SOCS4: variants seen among roughly 807,000 people sequenced by gnomAD.
The protein encoded by SOCS4 is SH2 domain containing SOCS box protein.
SOCS4 carries 20 observed loss-of-function variants against 34.1 expected under a neutral mutation model. The ratio of observed to expected loss-of-function variants is 0.59; its 90% CI spans 0.41 to 0.85. The LOEUF (loss-of-function observed/expected upper bound fraction) is 0.85. Ranked by LOEUF, SOCS4 falls within the 40% of genes least tolerant of loss-of-function variation. The pLI is 0.00. For synonymous variants in SOCS4, 180 were observed against 186.4 expected, an observed-to-expected ratio of 0.97 and a Z score of 0.28; for missense variants, 479 against 532.4, an observed-to-expected ratio of 0.90 and a Z score of 0.99.
Position 55,043,746 on chromosome 14 carries a change from A to C in SOCS4, c.705A>C (p.Leu235=). 1 of 1,614,162 alleles carries C rather than the reference A, an allele frequency of 6.2e-7. No individual in the cohort carries two copies. The highest frequency in any genetic ancestry group is 8.5e-7 in the Non-Finnish European group (1 of 1,180,016). The change falls in exon 3 of 3, where the codon CTA becomes CTC. Residue 235 remains leucine, a synonymous_variant. Coordinates refer to ENST00000555846, the MANE Select transcript of SOCS4 (RefSeq NM_199421.2). Reference sequence around the variant, plus strand: ...ATATGGATTCCGATGATGAAATTCTAACACTTTGCACAAGTTCCAGAAAAA... The same window carrying C: ...ATATGGATTCCGATGATGAAATTCTCACACTTTGCACAAGTTCCAGAAAAA... ...DSDMDSDDEI[L]TLCTSSRKRN... is the part of the protein sequence containing the mutation.
chr14:55,031,130 T>C (rs1011187604), intron 1 of SOCS4, among the ~76,000 whole-genome samples: 1 of 152,202 alleles, frequency 6.6e-6, no homozygotes, highest in Admixed American at 6.5e-5. Flanking sequence ...TTCAATCTAA[T>C]TTATTCCATA....
At chr14:55,041,703 GACCTCATGATCC>G (rs2042619509) in intron 2 of SOCS4, among the ~76,000 whole-genome samples, 1 of 148,266 alleles carries the variant, frequency 6.7e-6, no homozygotes, top group Non-Finnish European at 1.5e-5. Context: ...TCGAACTCCT[GACCTCATGATCC>G]ACCCGCCTCA....
chr14:55,030,439 CCTTGA>C (rs1396727810), intron 1 of SOCS4, among the ~76,000 whole-genome samples: 1 of 151,990 alleles, frequency 6.6e-6, no homozygotes, highest in Non-Finnish European at 1.5e-5. Context: ...GGAAGAGCCT[CCTTGA>C]CTTCAGATTT....
At chr14:55,036,151 G>A (rs909766695) in intron 2 of SOCS4, among the ~76,000 whole-genome samples, 2 of 152,126 alleles carry the variant, frequency 1.3e-5, no homozygotes, top group African/African-American at 4.8e-5. Flanking sequence ...TGGGATTATG[G>A]ATATATTTAC....
chr14:55,048,233 C>G lies in SOCS4; in HGVS notation c.*3869C>G, dbSNP rs999298054. On this transcript the variant is annotated 3_prime_UTR_variant, in exon 3 of 3. Coordinates refer to ENST00000555846, the MANE Select transcript of SOCS4 (RefSeq NM_199421.2). ...CTGTGCCCGGCCAAGATCTAACTCA[C>G]GCTTACTTTTCATTAAAATATTTCT... is the stretch of plus-strand genomic sequence containing the variant. The G allele has an allele frequency of 1.2e-5, 2 of 167,046 alleles. No individual in the cohort carries two copies. Among genetic ancestry groups the G allele is most frequent in the South Asian group, 4.1e-4 (2 of 4,832 alleles). The allele number at this position is 167,046 out of a possible 1,614,324, so 10.3% of individuals were successfully genotyped here.
rs546547652 is a variant in SOCS4, at chr14:55,037,507, T to A, written c.-90-5445T>A. ...TCTCCACCTCTTTTTTTTTATTTTTTTTTTAGAAGGAATTTCACTCTTGTC... is the reference window on the plus strand; with the variant it reads ...TCTCCACCTCTTTTTTTTTATTTTTATTTTAGAAGGAATTTCACTCTTGTC... On this transcript the variant is annotated intron_variant, in intron 2 of 2. Transcript: ENST00000555846. Among the ~76,000 whole-genome samples, 352 of 152,012 alleles carry A rather than the reference T, an allele frequency of 2.3e-3. 2 individuals are homozygous for A. The highest frequency in any genetic ancestry group is 8.2e-3 in the African/African-American group (338 of 41,428).
intron 2 of SOCS4, among the ~76,000 whole-genome samples, chr14:55,042,040 C>T (rs1248622387): frequency 5.3e-5 from 8 of 151,914 alleles, no homozygotes; most frequent in Admixed American, 5.2e-4. Context: ...TCAGGTAATC[C>T]GCCTGCCTCA....
chr14:55,046,207 C>T lies in SOCS4; in HGVS notation c.*1843C>T, dbSNP rs1477653874. The stretch of plus-strand genomic sequence containing the variant: ...TTTACAAGGTTAGAAAAGTCTCATA[C>T]TACCTCATCTTTATTGTGGCGCTTT... On this transcript the variant is annotated 3_prime_UTR_variant, in exon 3 of 3. Coordinates refer to ENST00000555846, the MANE Select transcript of SOCS4 (RefSeq NM_199421.2). The T allele has an allele frequency of 6.0e-6, 1 of 166,852 alleles. No homozygotes were observed. The allele number at this position is 166,852 out of a possible 1,614,324, so 10.3% of individuals were successfully genotyped here.
chr14:55,042,122 T>A (rs1437073157), intron 2 of SOCS4, among the ~76,000 whole-genome samples: 1 of 152,178 alleles, frequency 6.6e-6, no homozygotes, highest in Non-Finnish European at 1.5e-5. Context: ...AATACTTAAG[T>A]AAATTCCATT....
In SOCS4 at chr14:55,034,946, C is replaced by T. The variant is rs567126329; in HGVS notation, c.-91+2955C>T. Among the ~76,000 whole-genome samples the T allele has an allele frequency of 1.1e-4, 16 of 151,754 alleles. No individual in the cohort carries two copies. The East Asian group carries it at 1.4e-3, about 13-fold the overall frequency. ...TGCAATCTTGGCTCACTGCAACCGC[C>T]GCCTCCCAGGTTCAAGCCATTCTTC... On this transcript the variant is annotated intron_variant, in intron 2 of 2. Transcript: ENST00000555846.
chr14:55,038,643 G>A (rs2140246246), intron 2 of SOCS4, among the ~76,000 whole-genome samples: 1 of 152,222 alleles, frequency 6.6e-6, no homozygotes, highest in South Asian at 2.1e-4. Flanking sequence ...TGCTGTGTCT[G>A]GTATTTAAAG....
intron 2 of SOCS4, among the ~76,000 whole-genome samples, chr14:55,037,103 G>A (rs2140245367): frequency 6.6e-6 from 1 of 151,674 alleles, no homozygotes; most frequent in African/African-American, 2.4e-5. Flanking sequence ...GGGTGACAAA[G>A]TGAGACCCTT....
rs377638577 is a variant in SOCS4 at position 55,044,260 on chromosome 14, G to A, written c.1219G>A (p.Asp407Asn). ...TAACTGTACAACTTATGATGGCATCGATGCCCTTCCAATTCCTTCTTCTAT... is the reference window on the plus strand; with the variant it reads ...TAACTGTACAACTTATGATGGCATCAATGCCCTTCCAATTCCTTCTTCTAT... ...ICNCTTYDGI[D>N]ALPIPSSMKL... Residue 407 changes from aspartate (D) to asparagine (N), a missense_variant, in exon 3 of 3, where the codon GAT (aspartate) becomes AAT (asparagine). Physicochemically the swap from Asp to Asn is conservative, Grantham distance 23 (BLOSUM62 1). Coordinates refer to ENST00000555846, the MANE Select transcript of SOCS4 (RefSeq NM_199421.2). 71 of 1,613,910 alleles carry A rather than the reference G, an allele frequency of 4.4e-5. No homozygotes were observed. In the South Asian group the frequency reaches 5.8e-4, roughly 13 times the overall value.
rs1294374393 is a variant in SOCS4, at chr14:55,042,466, A to T, written c.-90-486A>T. On this transcript the variant is annotated intron_variant, in intron 2 of 2. Transcript: ENST00000555846. ...ACAGCTTTACAACTTAAAATTGTTC[A>T]TATTTTAATCAGTAGGGAAGGAAAT... is the stretch of plus-strand genomic sequence containing the variant. Among the ~76,000 whole-genome samples, 28 of 152,248 alleles carry T rather than the reference A, an allele frequency of 1.8e-4. 1 individual carries two copies. Among genetic ancestry groups the T allele is most frequent in the Admixed American group, 1.8e-3 (28 of 15,282 alleles).
chr14:55,028,696 TTTCTC>T (rs1391712943), intron 1 of SOCS4, among the ~76,000 whole-genome samples: 2 of 152,200 alleles, frequency 1.3e-5, no homozygotes. Flanking sequence ...CATCTGTCAT[TTTCTC>T]TTATCAATCA....
intron 2 of SOCS4, among the ~76,000 whole-genome samples, chr14:55,036,471 G>A (rs532476429): frequency 8.6e-5 from 13 of 152,010 alleles, no homozygotes; most frequent in African/African-American, 3.1e-4. Flanking sequence ...AGCCCCCCGA[G>A]TAGCTGGGAT....
rs1423250081 is a variant in SOCS4 at position 55,048,635 on chromosome 14, T to G, written c.*4271T>G. ...ATTGGACACAAAATGGAGGTAACTT[T>G]TTAAAATAGATTGGCTTGGAAGTTG... On this transcript the variant is annotated 3_prime_UTR_variant, in exon 3 of 3. Coordinates refer to ENST00000555846, the MANE Select transcript of SOCS4 (RefSeq NM_199421.2). The G allele has an allele frequency of 6.0e-6, 1 of 167,136 alleles. No individual in the cohort carries two copies. The highest frequency in any genetic ancestry group is 2.4e-5 in the African/African-American group (1 of 41,486). The allele number at this position is 167,136 out of a possible 1,614,324, so 10.4% of individuals were successfully genotyped here. A position where few individuals can be genotyped will look rare whatever the true frequency, so the allele number is the denominator to read the frequency against.
At chr14:55,041,937 G>A (rs141156614) in intron 2 of SOCS4, among the ~76,000 whole-genome samples, 6 of 151,404 alleles carry the variant, frequency 4.0e-5, no homozygotes, top group Admixed American at 6.6e-5. Context: ...GATTACAGGC[G>A]TGCGCCGTTG....
In SOCS4 at chr14:55,036,398, C is replaced by T. The variant is rs539772595; in HGVS notation, c.-91+4407C>T. Among the ~76,000 whole-genome samples, 4 of 150,704 alleles carry T rather than the reference C, an allele frequency of 2.7e-5. 1 individual carries two copies. The highest frequency in any genetic ancestry group is 9.8e-5 in the African/African-American group (4 of 40,934). ...CACTCTTGTCCCTCAGGGTGGAGTG[C>T]GATGGCATGATCTTGGCTCACTGCA... On this transcript the variant is annotated intron_variant, in intron 2 of 2. Coordinates refer to ENST00000555846, the MANE Select transcript of SOCS4 (RefSeq NM_199421.2).
Sources: gnomAD v4.1 joint callset for allele counts (sites outside exome capture counted in the v4.1 genomes callset) on GRCh38, gnomAD v4.1.1 for gene constraint, MANE v1.5 for transcripts, NCBI Gene and HGNC (gene_info 2026-07-23, HGNC 2026-07-21) for gene names.